Variants in APBB2 observed in about 807,000 individuals in gnomAD.
APBB2 encodes the protein Fe65-like 1.
In APBB2, 38 loss-of-function variants were observed where a neutral mutation model predicts 82.5. The observed-to-expected ratio is 0.46, with a 90% CI of 0.36 to 0.60. The LOEUF (loss-of-function observed/expected upper bound fraction) is 0.60, where lower values mean the gene tolerates loss of function less well. APBB2 is among the 20% of genes least tolerant of loss of function. APBB2 has a pLI of 0.00. For missense variants in APBB2, 772 were observed against 972.3 expected, an observed-to-expected ratio of 0.79 and a Z score of 2.74; for synonymous variants, 341 against 368.2, an observed-to-expected ratio of 0.93 and a Z score of 0.85.
intron 6 of APBB2, among the ~76,000 whole-genome samples, chr4:40,998,982 AGTTT>A (rs1251040849): frequency 2.0e-5 from 3 of 152,224 alleles, no homozygotes; most frequent in South Asian, 2.1e-4. Flanking sequence ...TAAAACTTAT[AGTTT>A]ATTTCTAGAA....
chr4:40,922,725 G>A (rs1039593389), intron 10 of APBB2, among the ~76,000 whole-genome samples: 18 of 151,748 alleles, frequency 1.2e-4, no homozygotes, highest in African/African-American at 3.1e-4. Flanking sequence ...GTCTTCCCAC[G>A]TCAGCCTCCT....
At chr4:41,124,390 T>C (rs1753794044) in intron 2 of APBB2, among the ~76,000 whole-genome samples, 1 of 152,160 alleles carries the variant, frequency 6.6e-6, no homozygotes, top group South Asian at 2.1e-4. Context: ...GGCTAATTTT[T>C]TGTATTTTTA....
At chr4:41,155,670 G>A (rs933396729) in intron 1 of APBB2, among the ~76,000 whole-genome samples, 4 of 152,206 alleles carry the variant, frequency 2.6e-5, no homozygotes, top group African/African-American at 9.7e-5. Context: ...AAGCATGCAG[G>A]AAAGCAGCTT....
chr4:40,907,379 A>ATATATATTTTTTT (rs1491382228), intron 10 of APBB2, among the ~76,000 whole-genome samples: 1 of 37,394 alleles, frequency 2.7e-5, no homozygotes, highest in African/African-American at 1.2e-4. Flanking sequence ...ATATATATAT[A>ATATATATTTTTTT]TTTTTTTTTT....
chr4:41,081,926 C>T (rs531397526), intron 3 of APBB2, among the ~76,000 whole-genome samples: 1 of 152,154 alleles, frequency 6.6e-6, no homozygotes, highest in African/African-American at 2.4e-5. Flanking sequence ...GTCAAATGAA[C>T]TACCGATACT....
chr4:40,887,640 G>A (rs1334774228), intron 12 of APBB2, among the ~76,000 whole-genome samples: 3 of 152,182 alleles, frequency 2.0e-5, no homozygotes, highest in African/African-American at 7.2e-5. Flanking sequence ...GACCAATGGG[G>A]AGAAACAGAA....
chr4:41,163,846 A>C (rs913607743), intron 1 of APBB2, among the ~76,000 whole-genome samples: 1 of 152,222 alleles, frequency 6.6e-6, no homozygotes, highest in Non-Finnish European at 1.5e-5. Context: ...AAGTCTAAAA[A>C]TTTTGAGATC....
intron 10 of APBB2, among the ~76,000 whole-genome samples, chr4:40,924,278 T>G (rs1782062656): frequency 6.6e-6 from 1 of 152,230 alleles, no homozygotes; most frequent in Non-Finnish European, 1.5e-5. Context: ...TCAACCATGT[T>G]GCTATTTTCT....
intron 5 of APBB2, among the ~76,000 whole-genome samples, chr4:41,023,127 G>C (rs1712408734): frequency 1.3e-5 from 2 of 152,170 alleles, no homozygotes; most frequent in Admixed American, 6.5e-5. Context: ...CATATGTTTT[G>C]TAACTTAGAG....
intron 6 of APBB2, among the ~76,000 whole-genome samples, chr4:40,948,027 T>G (rs1482303418): frequency 6.6e-6 from 1 of 152,252 alleles, no homozygotes; most frequent in Non-Finnish European, 1.5e-5. Context: ...AGCAACTTCA[T>G]GACTCCCAAG....
intron 17 of APBB2, among the ~76,000 whole-genome samples, chr4:40,820,938 G>A (rs946502242): frequency 4.6e-5 from 7 of 151,936 alleles, no homozygotes; most frequent in Admixed American, 3.3e-4. Context: ...ACGCGATCTC[G>A]GTTCACTGCA....
At chr4:40,952,836 C>T (rs1056507505) in intron 6 of APBB2, among the ~76,000 whole-genome samples, 1 of 152,184 alleles carries the variant, frequency 6.6e-6, no homozygotes, top group Non-Finnish European at 1.5e-5. Context: ...AGGACACTGA[C>T]GCCACTAGGT....
chr4:41,084,400 G>T (rs1402750504), intron 3 of APBB2, among the ~76,000 whole-genome samples: 1 of 151,998 alleles, frequency 6.6e-6, no homozygotes, highest in African/African-American at 2.4e-5. Flanking sequence ...TTCCAGCCTG[G>T]GCAACAAGAG....
chr4:41,155,438 A>T (rs555410850), intron 1 of APBB2, among the ~76,000 whole-genome samples: 1 of 152,350 alleles, frequency 6.6e-6, no homozygotes, highest in South Asian at 2.1e-4. Flanking sequence ...GTCTTTAACA[A>T]GCACAACTGA....
intron 12 of APBB2, among the ~76,000 whole-genome samples, chr4:40,845,593 A>AC (rs1757262289): frequency 2.8e-5 from 4 of 143,738 alleles, no homozygotes; most frequent in African/African-American, 5.3e-5. Context: ...TTCCTCAAAA[A>AC]AAAAAAAAAA....
At chr4:41,144,335 T>A (rs1379351655) in intron 1 of APBB2, among the ~76,000 whole-genome samples, 1 of 152,226 alleles carries the variant, frequency 6.6e-6, no homozygotes, top group African/African-American at 2.4e-5. Flanking sequence ...TCAAGTTATA[T>A]ATGTATGGTA....
intron 2 of APBB2, among the ~76,000 whole-genome samples, chr4:41,135,851 G>C (rs1308497383): frequency 6.6e-6 from 1 of 152,148 alleles, no homozygotes; most frequent in African/African-American, 2.4e-5. Flanking sequence ...TTCTTTTCTA[G>C]ACAGGATCTG....
chr4:40,928,428 A>ACACACACACACACACAC (rs201061451), intron 10 of APBB2, among the ~76,000 whole-genome samples: 5 of 54,080 alleles, frequency 9.2e-5, no homozygotes, highest in Non-Finnish European at 2.2e-4. Flanking sequence ...ACACACACAC[A>ACACACACACACACACAC]ATCAGCCAGG....
At chr4:40,896,902 G>T (rs1434219545) in intron 10 of APBB2, among the ~76,000 whole-genome samples, 1 of 152,164 alleles carries the variant, frequency 6.6e-6, no homozygotes, top group Non-Finnish European at 1.5e-5. Context: ...CACCAGGAGA[G>T]CATCTTAGTG....
Sources: allele counts gnomAD v4.1 joint callset (sites outside exome capture counted in the v4.1 genomes callset), GRCh38; gene constraint gnomAD v4.1.1; transcripts MANE v1.5; gene names NCBI Gene and HGNC (gene_info 2026-07-23, HGNC 2026-07-21).